The following LRFN2 variants were observed in gnomAD, a reference collection of about 807,000 sequenced individuals.
LRFN2 encodes leucine-rich repeat and fibronectin type-III domain-containing protein 2.
Under a neutral mutation model 37.3 loss-of-function variants are expected in LRFN2, and 18 were observed. The observed-to-expected ratio is 0.48, with a 90% CI of 0.33 to 0.72. The LOEUF is 0.72. Ranked by LOEUF, LRFN2 falls within the 30% of genes least tolerant of loss-of-function variation. The probability of loss-of-function intolerance (pLI) is 0.02; values close to 1 mark genes in which losing one functional copy is unlikely to be tolerated. For missense variants in LRFN2, 1,006 were observed against 1,060.7 expected, an observed-to-expected ratio of 0.95 and a Z score of 0.72; for synonymous variants, 556 against 466.6, an observed-to-expected ratio of 1.19 and a Z score of -2.47.
chr6:40,568,468 G>C (rs1158872010), intron 1 of LRFN2, among the ~76,000 whole-genome samples: 1 of 152,046 alleles, frequency 6.6e-6, no homozygotes, highest in African/African-American at 2.4e-5. Context: ...TGGGTGAGGG[G>C]CAAAAAAAAG....
intron 2 of LRFN2, among the ~76,000 whole-genome samples, chr6:40,404,713 G>C (rs539937531): frequency 2.0e-5 from 3 of 152,206 alleles, no homozygotes; most frequent in African/African-American, 7.2e-5. Context: ...GCACCAAACA[G>C]GTGGGCCAGT....
At chr6:40,548,428 G>A (rs751466407) in intron 1 of LRFN2, among the ~76,000 whole-genome samples, 7 of 142,448 alleles carry the variant, frequency 4.9e-5, no homozygotes, top group Admixed American at 7.1e-5. Context: ...GTGACACAAC[G>A]AGACTCCATC....
At chr6:40,538,855 C>T (rs970264657) in intron 1 of LRFN2, among the ~76,000 whole-genome samples, 2 of 152,238 alleles carry the variant, frequency 1.3e-5, no homozygotes, top group African/African-American at 4.8e-5. Flanking sequence ...TTGTGCTCAT[C>T]AGAAATGTTT....
chr6:40,461,200 A>G (rs1413872202), intron 1 of LRFN2, among the ~76,000 whole-genome samples: 1 of 152,154 alleles, frequency 6.6e-6, no homozygotes, highest in Non-Finnish European at 1.5e-5. Context: ...TGAGGCCAGG[A>G]GTTCAAGACC....
chr6:40,576,201 G>A (rs1767274187), intron 1 of LRFN2, among the ~76,000 whole-genome samples: 1 of 152,120 alleles, frequency 6.6e-6, no homozygotes, highest in African/African-American at 2.4e-5. Flanking sequence ...CTGTATGCAT[G>A]GAAGGGATTA....
At chr6:40,508,881 T>A (rs904102708) in intron 1 of LRFN2, among the ~76,000 whole-genome samples, 3 of 152,216 alleles carry the variant, frequency 2.0e-5, no homozygotes, top group Admixed American at 6.5e-5. Flanking sequence ...ATCTTGGATA[T>A]GCCATGGGCC....
At chr6:40,485,867 T>C (rs1764945436) in intron 1 of LRFN2, among the ~76,000 whole-genome samples, 1 of 152,120 alleles carries the variant, frequency 6.6e-6, no homozygotes, top group Admixed American at 6.5e-5. Flanking sequence ...GAGGTGGACT[T>C]TGAAAACCTG....
chr6:40,482,178 G>A (rs1189836907), intron 1 of LRFN2, among the ~76,000 whole-genome samples: 5 of 152,176 alleles, frequency 3.3e-5, no homozygotes. Context: ...GGGTGGGGAG[G>A]ATGGAACATG....
At chr6:40,509,432 C>A (rs545793316) in intron 1 of LRFN2, among the ~76,000 whole-genome samples, 91 of 152,366 alleles carry the variant, frequency 6.0e-4, no homozygotes, top group Non-Finnish European at 1.1e-3. Flanking sequence ...TGTAGTGGGT[C>A]ATGCCCAGCA....
chr6:40,506,469 A>T (rs1765541024), intron 1 of LRFN2, among the ~76,000 whole-genome samples: 1 of 152,204 alleles, frequency 6.6e-6, no homozygotes, highest in African/African-American at 2.4e-5. Flanking sequence ...TCTACATTCT[A>T]TATATTCTAG....
chr6:40,563,819 C>T (rs1767042550), intron 1 of LRFN2, among the ~76,000 whole-genome samples: 1 of 152,178 alleles, frequency 6.6e-6, no homozygotes, highest in Non-Finnish European at 1.5e-5. Flanking sequence ...CTTCCCTGTC[C>T]TTGTTAGCAC....
intron 1 of LRFN2, among the ~76,000 whole-genome samples, chr6:40,443,882 C>G (rs1050626407): frequency 2.0e-5 from 3 of 152,130 alleles, no homozygotes; most frequent in African/African-American, 7.2e-5. Flanking sequence ...TTTCTAGAAC[C>G]CAGTCAGGGC....
chr6:40,550,434 C>T (rs114103519), intron 1 of LRFN2, among the ~76,000 whole-genome samples: 4,054 of 152,258 alleles, frequency 0.027, 101 homozygotes, highest in Admixed American at 0.039. Flanking sequence ...TTAAGACATA[C>T]TTCAAGTTCC....
chr6:40,471,344 G>T (rs1402907487), intron 1 of LRFN2, among the ~76,000 whole-genome samples: 1 of 152,160 alleles, frequency 6.6e-6, no homozygotes, highest in South Asian at 2.1e-4. Context: ...TGAGTAGGCT[G>T]TCACTGCATG....
At chr6:40,464,282 A>G (rs1257607872) in intron 1 of LRFN2, among the ~76,000 whole-genome samples, 1 of 152,244 alleles carries the variant, frequency 6.6e-6, no homozygotes, top group Non-Finnish European at 1.5e-5. Context: ...AGATTAATTA[A>G]TTATAGCAGT....
chr6:40,399,712 A>AAAGTGGCT (rs1166833545), intron 2 of LRFN2, among the ~76,000 whole-genome samples: 4 of 151,886 alleles, frequency 2.6e-5, no homozygotes, highest in African/African-American at 7.2e-5. Flanking sequence ...TGCTGGGATT[A>AAAGTGGCT]CAGGCGTGAG....
intron 1 of LRFN2, among the ~76,000 whole-genome samples, chr6:40,528,360 G>A (rs935611660): frequency 1.3e-5 from 2 of 152,232 alleles, no homozygotes; most frequent in Non-Finnish European, 2.9e-5. Flanking sequence ...ACTCAACAGA[G>A]TCGCTCAATG....
intron 1 of LRFN2, among the ~76,000 whole-genome samples, chr6:40,465,431 G>A (rs939211035): frequency 6.6e-6 from 1 of 152,182 alleles, no homozygotes; most frequent in Non-Finnish European, 1.5e-5. Flanking sequence ...TCAAATCAGT[G>A]ACTTGCTTAT....
chr6:40,532,684 A>G (rs1460447561), intron 1 of LRFN2, among the ~76,000 whole-genome samples: 17 of 152,188 alleles, frequency 1.1e-4, no homozygotes, highest in Admixed American at 1.1e-3. Flanking sequence ...GTCAGAATTA[A>G]TTAATCTCTC....
Sources: allele counts gnomAD v4.1 joint callset (sites outside exome capture counted in the v4.1 genomes callset), GRCh38; gene constraint gnomAD v4.1.1; transcripts MANE v1.5; gene names NCBI Gene and HGNC (gene_info 2026-07-23, HGNC 2026-07-21).